ADAT1: variants seen among roughly 807,000 people sequenced by gnomAD.
ADAT1 encodes adenosine deaminase tRNA specific 1.
ADAT1 carries 58 observed loss-of-function variants against 58.6 expected under a neutral mutation model. The ratio of observed to expected loss-of-function variants is 0.99; its 90% CI spans 0.80 to 1.23. The LOEUF (loss-of-function observed/expected upper bound fraction) is 1.23, where lower values mean the gene tolerates loss of function less well. ADAT1 is among the 50% of genes most tolerant of loss of function. The pLI, the probability that ADAT1 is intolerant of heterozygous loss-of-function variation, is 0.00. For missense variants in ADAT1, 741 were observed against 608.6 expected, an observed-to-expected ratio of 1.22 and a Z score of -2.29; for synonymous variants, 254 against 220.8, an observed-to-expected ratio of 1.15 and a Z score of -1.33.
At position 75,599,364 on chromosome 16, in the gene ADAT1, G is replaced by C; in HGVS notation, c.*852C>G. On this transcript the variant is annotated 3_prime_UTR_variant, in exon 10 of 10. Coordinates refer to ENST00000564657, the MANE Select transcript of ADAT1 (RefSeq NM_001324445.2). ...CCCAAAGTGCTGGGATTACAGGCCT[G>C]AGCCACCAAGCCTGGCCACCTTTTG... is the stretch of plus-strand genomic sequence containing the variant. The C allele has an allele frequency of 3.0e-6, 3 of 985,744 alleles. No individual in the cohort carries two copies. Among genetic ancestry groups the C allele is most frequent in the South Asian group, 9.4e-5 (2 of 21,284 alleles). 61.1% of individuals were successfully genotyped at this position (985,744 alleles called of 1,614,324 possible).
At chr16:75,617,066 A>C in intron 5 of ADAT1, 76 bp downstream of exon 5, 370 of 1,507,808 alleles carry the variant, frequency 2.5e-4, no homozygotes, top group Middle Eastern at 3.6e-4. Flanking sequence ...TTTTTAGGAA[A>C]AAACCTACCT....
chr16:75,605,152 G>A (rs532716503), intron 8 of ADAT1, among the ~76,000 whole-genome samples: 6 of 152,080 alleles, frequency 3.9e-5, no homozygotes, highest in Non-Finnish European at 5.9e-5. Flanking sequence ...GTGCAGTGGC[G>A]TGATCTCGGC....
chr16:75,615,678 AG>A (rs1370002604), intron 5 of ADAT1, among the ~76,000 whole-genome samples: 1 of 152,106 alleles, frequency 6.6e-6, no homozygotes, highest in Non-Finnish European at 1.5e-5. Context: ...CTCCACAATA[AG>A]GCTATAGCTG....
chr16:75,607,226 G>A (rs538297376), intron 8 of ADAT1, among the ~76,000 whole-genome samples: 23 of 152,138 alleles, frequency 1.5e-4, no homozygotes, highest in African/African-American at 2.2e-4. Context: ...TAATGAGGCC[G>A]GGTGAGATGG....
intron 8 of ADAT1, among the ~76,000 whole-genome samples, chr16:75,605,301 C>G (rs2081339991): frequency 6.6e-6 from 1 of 152,080 alleles, no homozygotes; most frequent in South Asian, 2.1e-4. Flanking sequence ...GTTGGCCACA[C>G]TGGTCTTGAA....
chr16:75,619,792 G>A (rs776407761), intron 3 of ADAT1: 6 of 354,598 alleles, frequency 1.7e-5, no homozygotes, highest in Non-Finnish European at 3.4e-5. Context: ...TGCCTGCTGA[G>A]GCAGGAGAAT....
At chr16:75,600,866 G>T (rs1361410503) in intron 9 of ADAT1, among the ~76,000 whole-genome samples, 1 of 152,112 alleles carries the variant, frequency 6.6e-6, no homozygotes, top group African/African-American at 2.4e-5. Flanking sequence ...TAAATTTAGA[G>T]ATTTATCTTT....
At chr16:75,607,252 C>T (rs1305377380) in intron 8 of ADAT1, among the ~76,000 whole-genome samples, 1 of 151,550 alleles carries the variant, frequency 6.6e-6, no homozygotes, top group African/African-American at 2.4e-5. Flanking sequence ...ACCTGTAATC[C>T]CAGCATTTTG....
chr16:75,606,331 T>G (rs2081372653), intron 8 of ADAT1, among the ~76,000 whole-genome samples: 1 of 152,200 alleles, frequency 6.6e-6, no homozygotes, highest in Non-Finnish European at 1.5e-5. Flanking sequence ...GATTCTTGCC[T>G]CCTGGTATTC....
intron 5 of ADAT1, among the ~76,000 whole-genome samples, chr16:75,613,455 C>G (rs2081612123): frequency 6.6e-6 from 1 of 152,114 alleles, no homozygotes; most frequent in African/African-American, 2.4e-5. Context: ...GCACACATCA[C>G]CACGACTGGC....
intron 4 of ADAT1, 60 bp from the exon 5 acceptor site, chr16:75,617,332 T>A (rs2081767034): frequency 6.4e-7 from 1 of 1,573,120 alleles, no homozygotes; most frequent in South Asian, 1.1e-5. Context: ...GGGGAAAGCC[T>A]CTGGTTGGGT....
rs567204868 is a variant in ADAT1 at position 75,598,518 on chromosome 16, A to ATTTT, written c.*1694_*1697dup. On this transcript the variant is annotated 3_prime_UTR_variant, in exon 10 of 10. Transcript: ENST00000564657. Reference sequence around the variant, plus strand: ...ACAACTCTGTGGATATACTAAAAAAATTTTTTTTTTTTTTTTTTGAGACAG... The same window carrying ATTTT: ...ACAACTCTGTGGATATACTAAAAAAATTTTTTTTTTTTTTTTTTTTTTGAGACAG... 1.4e-5 allele frequency among the ~76,000 whole-genome samples: 2 copies of ATTTT among 139,172 alleles called. No homozygotes were observed. 91.3% of individuals were successfully genotyped at this position (139,172 alleles called of 152,430 possible). A position where few individuals can be genotyped will look rare whatever the true frequency, so the allele number is the denominator to read the frequency against.
intron 6 of ADAT1, among the ~76,000 whole-genome samples, chr16:75,611,658 A>G (rs1215611254): frequency 6.6e-6 from 1 of 152,102 alleles, no homozygotes; most frequent in Non-Finnish European, 1.5e-5. Context: ...CTGGGATTAC[A>G]GTCGTGAGCC....
chr16:75,603,462 C>T (rs79442188), intron 8 of ADAT1, among the ~76,000 whole-genome samples: 1 of 152,202 alleles, frequency 6.6e-6, no homozygotes, highest in Non-Finnish European at 1.5e-5. Flanking sequence ...ATCTGTAAGA[C>T]ACTTCTGGCT....
At chr16:75,607,492 ACT>A (rs1330550667) in intron 8 of ADAT1, among the ~76,000 whole-genome samples, 1 of 143,454 alleles carries the variant, frequency 7.0e-6, no homozygotes, top group East Asian at 2.4e-4. Flanking sequence ...ACAGAGCAAG[ACT>A]CTATCTCAAA....
intron 9 of ADAT1, among the ~76,000 whole-genome samples, chr16:75,601,337 G>A (rs1415846526): frequency 4.0e-5 from 6 of 150,434 alleles, no homozygotes; most frequent in Non-Finnish European, 5.9e-5. Context: ...GCAAGACACT[G>A]TCTCAAAAAA....
Position 75,599,524 on chromosome 16 carries a change from T to G in ADAT1, c.*692A>C. The G allele has an allele frequency of 1.0e-6, 1 of 985,910 alleles. No individual in the cohort carries two copies. Among genetic ancestry groups the G allele is most frequent in the South Asian group, 4.7e-5 (1 of 21,290 alleles). 61.1% of individuals were successfully genotyped at this position (985,910 alleles called of 1,614,324 possible). On this transcript the variant is annotated 3_prime_UTR_variant, in exon 10 of 10. Coordinates refer to ENST00000564657, the MANE Select transcript of ADAT1 (RefSeq NM_001324445.2). ...TTACTAGATCTTTGATTCTCTTGGC[T>G]GTTTCCTTTGTTGCCTTCATTCTTT... is the stretch of plus-strand genomic sequence containing the variant.
intron 3 of ADAT1, chr16:75,619,892 T>G (rs2081877144): frequency 1.8e-5 from 2 of 112,670 alleles, no homozygotes; most frequent in Non-Finnish European, 2.9e-5. Context: ...AGACTCCGAG[T>G]CAAAAAAAAA....
At chr16:75,617,055 C>A in intron 5 of ADAT1, 87 bp downstream of exon 5, 2 of 1,499,032 alleles carry the variant, frequency 1.3e-6, no homozygotes, top group Non-Finnish European at 1.8e-6. Flanking sequence ...GCCATTAGTG[C>A]TTTTTAGGAA....
Sources: allele counts gnomAD v4.1 joint callset (sites outside exome capture counted in the v4.1 genomes callset), GRCh38; gene constraint gnomAD v4.1.1; transcripts MANE v1.5; gene names NCBI Gene and HGNC (gene_info 2026-07-23, HGNC 2026-07-21).